EML4: variants seen among roughly 807,000 people sequenced by gnomAD.
EML4 encodes the protein EMAP like 4.
Under a neutral mutation model 129.0 loss-of-function variants are expected in EML4, and 72 were observed. That is an observed-to-expected ratio of 0.56 (90% CI 0.46 to 0.68). EML4 has a LOEUF of 0.68. Ranked by LOEUF, EML4 falls within the 30% of genes least tolerant of loss-of-function variation. The probability of loss-of-function intolerance (pLI) is 0.00; values close to 1 mark genes in which losing one functional copy is unlikely to be tolerated. For missense variants in EML4, 1,363 were observed against 1,190.6 expected (o/e 1.14, Z -2.13); for synonymous variants, 532 against 405.0 (o/e 1.31, Z -3.77).
rs532295497 is a variant in EML4, at chr2:42,314,130, G to A, written c.1968-1832G>A. The stretch of plus-strand genomic sequence containing the variant: ...TCCCAGCACTTTGGGAGCCTGAGGC[G>A]GGCAGATCACCTGAGGTCAGGAGTT... On this transcript the variant is annotated intron_variant, in intron 17 of 22. Coordinates refer to ENST00000318522, the MANE Select transcript of EML4 (RefSeq NM_019063.5). Among the ~76,000 whole-genome samples the A allele has an allele frequency of 3.9e-5, 6 of 152,166 alleles. No individual in the cohort carries two copies. The South Asian group carries it at 6.2e-4, about 16-fold the overall frequency.
chr2:42,286,161 G>T (rs768699593), intron 9 of EML4, 108 bp from the exon 10 acceptor site: 2 of 739,390 alleles, frequency 2.7e-6, no homozygotes, highest in East Asian at 5.0e-5. Context: ...TAATTTATTA[G>T]AAGCTTATCC....
chr2:42,294,288 C>T (rs1220172270), intron 11 of EML4, among the ~76,000 whole-genome samples: 1 of 152,050 alleles, frequency 6.6e-6, no homozygotes, highest in Non-Finnish European at 1.5e-5. Flanking sequence ...GCATAAAAGC[C>T]CTCTGGGAAT....
chr2:42,235,218 C>T lies in EML4; in HGVS notation c.26-10287C>T, dbSNP rs558030235. On this transcript the variant is annotated intron_variant, in intron 1 of 22. Transcript: ENST00000318522. Reference sequence around the variant, plus strand: ...GGCTAATGCAGGAGAATCGCTTGAACCCGGGAGGCAGAGGTTGCAGTGAGC... The same window carrying T: ...GGCTAATGCAGGAGAATCGCTTGAATCCGGGAGGCAGAGGTTGCAGTGAGC... 5.3e-5 allele frequency among the ~76,000 whole-genome samples: 8 copies of T among 152,040 alleles called. 1 individual carries two copies. In the South Asian group the frequency reaches 1.7e-3, roughly 32 times the overall value.
intron 19 of EML4, among the ~76,000 whole-genome samples, chr2:42,321,969 T>C (rs1027755565): frequency 2.6e-5 from 4 of 152,320 alleles, no homozygotes; most frequent in Non-Finnish European, 1.5e-5. Context: ...GATAAAGATA[T>C]GTTTTCTACA....
At chr2:42,172,437 G>C (rs1670336911) in intron 1 of EML4, among the ~76,000 whole-genome samples, 2 of 152,144 alleles carry the variant, frequency 1.3e-5, no homozygotes, top group African/African-American at 4.8e-5. Flanking sequence ...ATAAGTGATT[G>C]GCCATTTTAT....
chr2:42,221,514 A>G (rs532706329), intron 1 of EML4, among the ~76,000 whole-genome samples: 7 of 147,516 alleles, frequency 4.7e-5, no homozygotes, highest in Admixed American at 2.8e-4. Context: ...GGCCCAAGCA[A>G]TCCTCCCACC....
intron 1 of EML4, among the ~76,000 whole-genome samples, chr2:42,221,497 T>C (rs1023471426): frequency 6.8e-6 from 1 of 145,990 alleles, no homozygotes; most frequent in Non-Finnish European, 1.5e-5. Context: ...GCAGCCTCAA[T>C]GTCCCGGGCC....
intron 3 of EML4, among the ~76,000 whole-genome samples, chr2:42,259,722 C>CTT (rs780243101): frequency 0.013 from 1,248 of 98,286 alleles, 28 homozygotes; most frequent in South Asian, 0.037. Flanking sequence ...TTCTTTCTTT[C>CTT]TTTTTTTTTT....
intron 19 of EML4, chr2:42,319,488 A>G (rs542368197): frequency 7.2e-5 from 11 of 152,320 alleles, no homozygotes; most frequent in African/African-American, 2.2e-4. Context: ...GAAAGGTTCA[A>G]CTATTCTGCG....
intron 1 of EML4, among the ~76,000 whole-genome samples, chr2:42,207,183 T>C (rs1216213985): frequency 6.6e-6 from 1 of 152,236 alleles, no homozygotes; most frequent in Non-Finnish European, 1.5e-5. Flanking sequence ...CTATTTGATA[T>C]TATCAGTTAT....
chr2:42,243,154 G>C (rs905205013), intron 1 of EML4, among the ~76,000 whole-genome samples: 1 of 152,106 alleles, frequency 6.6e-6, no homozygotes, highest in Non-Finnish European at 1.5e-5. Flanking sequence ...GGGGCGCAGA[G>C]GGTAAAGTGA....
intron 6 of EML4, among the ~76,000 whole-genome samples, chr2:42,274,000 A>G (rs188279179): frequency 2.5e-4 from 38 of 152,286 alleles, no homozygotes; most frequent in Admixed American, 6.5e-4. Context: ...TTTTTAAGAA[A>G]AGATTTTAGC....
intron 6 of EML4, among the ~76,000 whole-genome samples, chr2:42,278,624 T>A (rs1045632656): frequency 9.9e-5 from 15 of 151,396 alleles, no homozygotes; most frequent in Non-Finnish European, 2.2e-4. Context: ...GAGTGAAGTA[T>A]TTTCTTTTGT....
At chr2:42,277,943 G>C (rs946124250) in intron 6 of EML4, among the ~76,000 whole-genome samples, 17 of 152,056 alleles carry the variant, frequency 1.1e-4, no homozygotes, top group African/African-American at 3.9e-4. Flanking sequence ...TCCTCTTCAT[G>C]GTTTGCATCA....
intron 11 of EML4, among the ~76,000 whole-genome samples, chr2:42,292,587 A>G: frequency 6.6e-6 from 1 of 152,244 alleles, no homozygotes; most frequent in South Asian, 2.1e-4. Context: ...GCTAAGAGTC[A>G]GGATGATGGT....
chr2:42,292,083 C>T (rs1051075683), intron 11 of EML4, among the ~76,000 whole-genome samples: 1 of 152,110 alleles, frequency 6.6e-6, no homozygotes, highest in Admixed American at 6.5e-5. Flanking sequence ...AGTTCTTAGG[C>T]GTTGGCAACT....
intron 1 of EML4, among the ~76,000 whole-genome samples, chr2:42,223,202 C>T (rs919676420): frequency 6.6e-6 from 1 of 152,020 alleles, no homozygotes; most frequent in Non-Finnish European, 1.5e-5. Context: ...GTTTATAGTT[C>T]CCTCTCTCCC....
At chr2:42,231,402 C>T (rs933336173) in intron 1 of EML4, among the ~76,000 whole-genome samples, 3 of 152,156 alleles carry the variant, frequency 2.0e-5, no homozygotes, top group African/African-American at 7.2e-5. Context: ...TAATTCAGGC[C>T]TCTATCTTAA....
intron 6 of EML4, among the ~76,000 whole-genome samples, chr2:42,266,174 T>C (rs1666054312): frequency 6.6e-6 from 1 of 152,238 alleles, no homozygotes; most frequent in South Asian, 2.1e-4. Context: ...TAATAGTCTT[T>C]AGGTCATTTG....
Sources: allele counts gnomAD v4.1 joint callset (sites outside exome capture counted in the v4.1 genomes callset), GRCh38; gene constraint gnomAD v4.1.1; transcripts MANE v1.5; gene names NCBI Gene and HGNC (gene_info 2026-07-23, HGNC 2026-07-21).